Variants in MRPS6 observed in about 807,000 individuals in gnomAD.
The protein encoded by MRPS6 is small ribosomal subunit protein bS6m.
A neutral mutation model predicts 13.1 loss-of-function variants in MRPS6; 6 were observed. The observed-to-expected ratio is 0.46, with a 90% CI of 0.25 to 0.91. The LOEUF (loss-of-function observed/expected upper bound fraction) is 0.91, where lower values mean the gene tolerates loss of function less well. Ranked by LOEUF, MRPS6 falls within the 40% of genes least tolerant of loss-of-function variation. The probability of loss-of-function intolerance (pLI) is 0.18; values close to 1 mark genes in which losing one functional copy is unlikely to be tolerated. For synonymous variants in MRPS6, 61 were observed against 56.5 expected (o/e 1.08, Z -0.36); for missense variants, 164 against 155.6 (o/e 1.05, Z -0.29).
chr21:34,080,087 C>T lies in MRPS6; in HGVS notation c.45+6342C>T, dbSNP rs11910615. Among the ~76,000 whole-genome samples, 1,142 of 152,258 alleles carry T rather than the reference C, an allele frequency of 7.5e-3. 14 individuals are homozygous for T. The highest frequency in any genetic ancestry group is 0.026 in the African/African-American group (1,096 of 41,544). ...ACTCTTGCAGTTTCTTAGCTGGTCTCCTGACATACTACTGAGGGGAGGATA... is the reference window on the plus strand; with the variant it reads ...ACTCTTGCAGTTTCTTAGCTGGTCTTCTGACATACTACTGAGGGGAGGATA... On this transcript the variant is annotated intron_variant, in intron 1 of 2. Coordinates refer to ENST00000399312, the MANE Select transcript of MRPS6 (RefSeq NM_032476.4).
chr21:34,128,240 T>A (rs926904743), intron 2 of MRPS6, among the ~76,000 whole-genome samples: 2 of 152,240 alleles, frequency 1.3e-5, no homozygotes, highest in Non-Finnish European at 2.9e-5. Flanking sequence ...AGGGAGTGTG[T>A]GTGAAAGTGC....
rs139720486 is a variant in MRPS6 at position 34,077,602 on chromosome 21, A to G, written c.45+3857A>G. On this transcript the variant is annotated intron_variant, in intron 1 of 2. Transcript: ENST00000399312. ...ATATATATCTTCATATGTTTTTCTA[A>G]TAGGAATAAAGAAGATAGCTATTTT... Among the ~76,000 whole-genome samples the G allele has an allele frequency of 1.4e-4, 21 of 152,270 alleles. No individual in the cohort carries two copies. The East Asian group carries it at 3.9e-3, about 28-fold the overall frequency.
intron 1 of MRPS6, among the ~76,000 whole-genome samples, chr21:34,075,873 C>G (rs1000964728): frequency 2.0e-4 from 30 of 152,146 alleles, no homozygotes; most frequent in Non-Finnish European, 2.2e-4. Context: ...AAAGTTAACT[C>G]TAGGCTTATG....
chr21:34,089,692 A>G (rs2834376), intron 1 of MRPS6, among the ~76,000 whole-genome samples: 123,448 of 152,132 alleles, frequency 0.81, 52,686 homozygotes, highest in East Asian at 0.94. Context: ...TGATAAAAGT[A>G]GAGCTGTTCT....
chr21:34,123,006 A>G (rs1980174164), intron 1 of MRPS6: 1 of 152,208 alleles, frequency 6.6e-6, no homozygotes, highest in Admixed American at 6.5e-5. Context: ...CCTACTGTTA[A>G]TGGGAAGAGA....
chr21:34,108,753 A>G (rs1481281380), intron 1 of MRPS6, among the ~76,000 whole-genome samples: 2 of 152,194 alleles, frequency 1.3e-5, no homozygotes, highest in African/African-American at 4.8e-5. Flanking sequence ...TCTGGGTTAG[A>G]AAGCACTTTC....
intron 1 of MRPS6, chr21:34,123,054 GT>G: frequency 6.6e-6 from 1 of 152,186 alleles, no homozygotes; most frequent in South Asian, 2.1e-4. Context: ...GGAAATTTCT[GT>G]TTTATCTTAA....
At chr21:34,085,813 A>G (rs1266359431) in intron 1 of MRPS6, among the ~76,000 whole-genome samples, 1 of 152,112 alleles carries the variant, frequency 6.6e-6, no homozygotes, top group Non-Finnish European at 1.5e-5. Context: ...CGTGTTAGCT[A>G]GGGTGGTCTT....
chr21:34,125,377 G>T lies in MRPS6; in HGVS notation c.82G>T (p.Ala28Ser), dbSNP rs762123981. The part of the protein sequence containing the change: ...TAATLKRTIE[A>S]LMDRGAIVRD... The stretch of plus-strand genomic sequence containing the variant: ...TGCTACTTTGAAACGTACGATAGAG[G>T]CCCTGATGGACAGAGGAGCAATAGT... The change falls in exon 2 of 3, where the codon GCC (alanine) becomes TCC (serine). Residue 28 changes from alanine to serine, a missense_variant. Ala to Ser is a moderately conservative substitution (Grantham distance 99, BLOSUM62 1). Transcript: ENST00000399312. 9.9e-6 allele frequency: 16 copies of T among 1,613,824 alleles called. No individual in the cohort carries two copies. Among genetic ancestry groups the T allele is most frequent in the Non-Finnish European group, 1.2e-5 (14 of 1,179,900 alleles).
At chr21:34,098,287 A>G in intron 1 of MRPS6, 1 of 1,000,042 alleles carries the variant, frequency 1.0e-6, no homozygotes, top group Non-Finnish European at 1.2e-6. Context: ...TATTAGCCAA[A>G]TGCCTTCCTA....
intron 1 of MRPS6, among the ~76,000 whole-genome samples, chr21:34,094,403 T>G (rs1024554034): frequency 1.3e-5 from 2 of 152,174 alleles, no homozygotes; most frequent in African/African-American, 2.4e-5. Context: ...GCCTGTTCCA[T>G]CCAGGACCCT....
intron 1 of MRPS6, among the ~76,000 whole-genome samples, chr21:34,091,932 T>C (rs560375256): frequency 0.13 from 15 of 114 alleles, no homozygotes; most frequent in East Asian, 0.47. Context: ...TATTGTCTTA[T>C]AATTTTACTT....
intron 1 of MRPS6, among the ~76,000 whole-genome samples, chr21:34,090,677 C>G (rs2148657387): frequency 1.3e-5 from 2 of 152,270 alleles, no homozygotes; most frequent in South Asian, 4.2e-4. Context: ...GAGCCACCTC[C>G]CCATTGCACT....
chr21:34,097,932 C>T (rs1043148240), intron 1 of MRPS6: 61 of 996,494 alleles, frequency 6.1e-5, no homozygotes, highest in Non-Finnish European at 7.4e-5. Context: ...GAATGTTTTC[C>T]TGTAGGTATT....
intron 1 of MRPS6, among the ~76,000 whole-genome samples, chr21:34,089,572 A>C (rs1978575519): frequency 6.6e-6 from 1 of 152,158 alleles, no homozygotes; most frequent in East Asian, 1.9e-4. Flanking sequence ...GATGAAGTAA[A>C]TCTGGTGGTT....
Position 34,098,291 on chromosome 21 carries a change from C to T in MRPS6, c.45+24546C>T, listed in dbSNP as rs918940262. ...TTTGGAAAAATTATTAGCCAAATGCCTTCCTAGGTGGATCCAGTTGGAAGA... is the reference window on the plus strand; with the variant it reads ...TTTGGAAAAATTATTAGCCAAATGCTTTCCTAGGTGGATCCAGTTGGAAGA... On this transcript the variant is annotated intron_variant, in intron 1 of 2. Coordinates refer to ENST00000399312, the MANE Select transcript of MRPS6 (RefSeq NM_032476.4). 14 of 999,926 alleles carry T rather than the reference C, an allele frequency of 1.4e-5. No homozygotes were observed. The African/African-American group carries it at 1.7e-4, about 12-fold the overall frequency. 61.9% of individuals were successfully genotyped at this position (999,926 alleles called of 1,614,324 possible). A position where few individuals can be genotyped will look rare whatever the true frequency, so the allele number is the denominator to read the frequency against.
chr21:34,088,914 C>G (rs770248384), intron 1 of MRPS6, among the ~76,000 whole-genome samples: 1 of 150,464 alleles, frequency 6.6e-6, no homozygotes, highest in African/African-American at 2.4e-5. Flanking sequence ...ACTCACTTAT[C>G]TTTGATAAAC....
chr21:34,079,961 T>TG (rs1989422718), intron 1 of MRPS6, among the ~76,000 whole-genome samples: 1 of 152,176 alleles, frequency 6.6e-6, no homozygotes, highest in East Asian at 1.9e-4. Context: ...TTCTGTCATC[T>TG]GGGGCTGAAC....
intron 2 of MRPS6, among the ~76,000 whole-genome samples, chr21:34,141,242 T>C (rs910050672): frequency 1.9e-4 from 29 of 152,130 alleles, no homozygotes; most frequent in Non-Finnish European, 3.5e-4. Flanking sequence ...TGTGCTTTAG[T>C]GGAGTGAGGC....
Sources: gnomAD v4.1 joint callset for allele counts (sites outside exome capture counted in the v4.1 genomes callset) on GRCh38, gnomAD v4.1.1 for gene constraint, MANE v1.5 for transcripts, NCBI Gene and HGNC (gene_info 2026-07-23, HGNC 2026-07-21) for gene names.